The following USP9X variants were observed in gnomAD, a reference collection of about 807,000 sequenced individuals.
The protein encoded by USP9X is ubiquitin specific peptidase 9 X-linked.
USP9X carries 7 observed loss-of-function variants against 190.3 expected under a neutral mutation model. That is an observed-to-expected ratio of 0.04 (90% CI 0.02 to 0.07). USP9X has a LOEUF of 0.07. Ranked by LOEUF, USP9X falls within the 10% of genes least tolerant of loss-of-function variation. USP9X has a pLI of 1.00. For missense variants in USP9X, 1,010 were observed against 1,916.9 expected (o/e 0.53, Z 8.83); for synonymous variants, 645 against 659.5 (o/e 0.98, Z 0.34).
At chrX:41,174,542 T>C (rs1321391655) in intron 21 of USP9X, among the ~76,000 whole-genome samples, 1 of 112,199 alleles carries the variant, frequency 8.9e-6, no homozygotes, top group Non-Finnish European at 1.9e-5. Flanking sequence ...ATTCAGGTTA[T>C]GCGTCTTTGG....
intron 2 of USP9X, among the ~76,000 whole-genome samples, chrX:41,125,724 ACG>A (rs1217202701): frequency 8.1e-5 from 5 of 61,812 alleles, no homozygotes; most frequent in Non-Finnish European, 1.2e-4. Context: ...TCTCTCGCGC[ACG>A]CGCGCGCGCT....
At chrX:41,216,768 T>C (rs2063215732) in intron 35 of USP9X, 116 bp downstream of exon 35, 1 of 899,417 alleles carries the variant, frequency 1.1e-6, no homozygotes, top group Non-Finnish European at 1.5e-6. Context: ...ATTTGCTGGG[T>C]GTGGTGGTTC....
At chrX:41,128,550 A>G (rs901488249) in intron 2 of USP9X, among the ~76,000 whole-genome samples, 7 of 112,208 alleles carry the variant, frequency 6.2e-5, no homozygotes, top group Non-Finnish European at 1.3e-4. Flanking sequence ...AAAATTTACA[A>G]TGCAGTTGTC....
At chrX:41,186,830 ATTTTTTTTTTTTTTGAGACGGAGTC>A (rs2062881571) in intron 24 of USP9X, among the ~76,000 whole-genome samples, 188 bp downstream of exon 24, 2 of 101,147 alleles carry the variant, frequency 2.0e-5, no homozygotes, top group South Asian at 8.8e-4. Flanking sequence ...AGATGGGGTG[ATTTTTTTTTTTTTTGAGACGGAGTC>A]TCACTCTGTT....
intron 1 of USP9X, among the ~76,000 whole-genome samples, chrX:41,107,049 G>C (rs1400508166): frequency 9.2e-6 from 1 of 108,675 alleles, no homozygotes; most frequent in Admixed American, 9.9e-5. Context: ...ACCATGCCTG[G>C]TTAAGTTTTG....
intron 14 of USP9X, among the ~76,000 whole-genome samples, chrX:41,156,113 G>A (rs1026411183): frequency 8.9e-6 from 1 of 112,215 alleles, no homozygotes; most frequent in Admixed American, 9.4e-5. Flanking sequence ...CCATTTAACC[G>A]GAGAAAAATA....
At chrX:41,116,784 T>TG (rs974356107) in intron 1 of USP9X, among the ~76,000 whole-genome samples, 3 of 111,801 alleles carry the variant, frequency 2.7e-5, no homozygotes, top group Middle Eastern at 4.6e-3. Flanking sequence ...TTTCTTTTTT[T>TG]TGTGTGGGTA....
At chrX:41,213,612 A>G (rs187938234) in intron 33 of USP9X, among the ~76,000 whole-genome samples, 61 of 112,049 alleles carry the variant, frequency 5.4e-4, no homozygotes, top group African/African-American at 2.0e-3. Flanking sequence ...CACAAAGCCT[A>G]AGATAAATTT....
In USP9X at chrX:41,171,554, C is replaced by G. The variant is rs191563024; in HGVS notation, c.3028-284C>G. ...AAGAATTTGGTAGTGGGCATGGCAG[C>G]CTTTTGTTATGTCCAGAGTCTAAAT... is the stretch of plus-strand genomic sequence containing the variant. On this transcript the variant is annotated intron_variant, in intron 20 of 44. Coordinates refer to ENST00000378308, the MANE Select transcript of USP9X (RefSeq NM_001039591.3). 165 of 284,457 alleles carry G rather than the reference C, an allele frequency of 5.8e-4. 1 individual carries two copies. Among genetic ancestry groups the G allele is most frequent in the African/African-American group, 4.3e-3 (156 of 36,417 alleles). The allele number at this position is 284,457 out of a possible 1,213,427, so 23.4% of individuals were successfully genotyped here.
rs140778965 is a variant in USP9X at position 41,162,121 on chromosome X, G to C, written c.1898-669G>C. Among the ~76,000 whole-genome samples, 279 of 111,920 alleles carry C rather than the reference G, an allele frequency of 2.5e-3. 2 individuals are homozygous for C. Among genetic ancestry groups the C allele is most frequent in the Admixed American group, 0.02 (216 of 10,538 alleles). The stretch of plus-strand genomic sequence containing the variant: ...CATCTTTATAACACATCAGGAGTTT[G>C]TTCAGAGAAGAAACATCAATGTTTT... On this transcript the variant is annotated intron_variant, in intron 14 of 44. Coordinates refer to ENST00000378308, the MANE Select transcript of USP9X (RefSeq NM_001039591.3).
chrX:41,110,242 A>G (rs2062098784), intron 1 of USP9X, among the ~76,000 whole-genome samples: 1 of 112,134 alleles, frequency 8.9e-6, no homozygotes, highest in African/African-American at 3.2e-5. Context: ...TAATTTTTAT[A>G]ACATGATTTT....
At chrX:41,160,799 G>T (rs766424757) in intron 14 of USP9X, among the ~76,000 whole-genome samples, 1 of 112,205 alleles carries the variant, frequency 8.9e-6, no homozygotes, top group African/African-American at 3.2e-5. Context: ...TAATTCTGCA[G>T]ATTAAAGAAT....
chrX:41,105,045 A>G (rs1410396565), intron 1 of USP9X, among the ~76,000 whole-genome samples: 1 of 111,613 alleles, frequency 9.0e-6, no homozygotes, highest in Non-Finnish European at 1.9e-5. Flanking sequence ...ATTTCTGACA[A>G]ACTACAATAA....
intron 1 of USP9X, among the ~76,000 whole-genome samples, chrX:41,101,187 C>G (rs150426954): frequency 1.8e-5 from 2 of 110,909 alleles, no homozygotes; most frequent in Non-Finnish European, 3.8e-5. Context: ...TAACTCGATA[C>G]AGCTTTCACT....
chrX:41,185,967 T>C (rs936430694), intron 23 of USP9X, among the ~76,000 whole-genome samples: 10 of 111,376 alleles, frequency 9.0e-5, no homozygotes, highest in African/African-American at 3.3e-4. Flanking sequence ...GAGTTACAAC[T>C]TGAAGGCAGT....
At chrX:41,188,540 T>C (rs776677013) in intron 25 of USP9X, among the ~76,000 whole-genome samples, 22 of 112,390 alleles carry the variant, frequency 2.0e-4, no homozygotes, top group African/African-American at 6.8e-4. Context: ...TTCCTGACCT[T>C]CTATTAGATT....
At position 41,196,233 on chromosome X, in the gene USP9X, A is replaced by G; in HGVS notation, c.3978-18A>G. On this transcript the variant is annotated intron_variant, in intron 26 of 44. Coordinates refer to ENST00000378308, the MANE Select transcript of USP9X (RefSeq NM_001039591.3). ...AAATGGAAATAATGTATTAAATGTG[A>G]AACATTTTTTATTTCAGAACTGTTC... The G allele has an allele frequency of 8.3e-7, 1 of 1,201,493 alleles. No individual in the cohort carries two copies. The highest frequency in any genetic ancestry group is 1.1e-6 in the Non-Finnish European group (1 of 887,701).
intron 27 of USP9X, 38 bp from the exon 28 acceptor site, chrX:41,196,554 T>C (rs2062986121): frequency 8.4e-7 from 1 of 1,193,935 alleles, no homozygotes; most frequent in Non-Finnish European, 1.1e-6. Flanking sequence ...ATTTTGAGGA[T>C]GGACGTGTAA....
chrX:41,131,835 C>CTA (rs1352468288), intron 4 of USP9X, among the ~76,000 whole-genome samples: 1 of 111,732 alleles, frequency 8.9e-6, no homozygotes, highest in Non-Finnish European at 1.9e-5. Flanking sequence ...ATGGGAAATA[C>CTA]TATACAAAAG....
Sources: gnomAD v4.1 joint callset for allele counts (sites outside exome capture counted in the v4.1 genomes callset) on GRCh38, gnomAD v4.1.1 for gene constraint, MANE v1.5 for transcripts, NCBI Gene and HGNC (gene_info 2026-07-23, HGNC 2026-07-21) for gene names.